The following BEND4 variants were observed in gnomAD, a reference collection of about 807,000 sequenced individuals.
BEND4 encodes the protein BEN domain-containing protein 4.
BEND4 carries 27 observed loss-of-function variants against 54.7 expected under a neutral mutation model. The ratio of observed to expected loss-of-function variants is 0.49; its 90% CI spans 0.36 to 0.68. BEND4 has a LOEUF of 0.68. BEND4 is among the 30% of genes least tolerant of loss of function. The pLI is 0.00. For synonymous variants in BEND4, 327 were observed against 299.5 expected, an observed-to-expected ratio of 1.09 and a Z score of -0.95; for missense variants, 702 against 697.2, an observed-to-expected ratio of 1.01 and a Z score of -0.08.
chr4:42,113,120 C>T lies in BEND4; in HGVS notation c.*4398G>A, dbSNP rs899979037. 6.6e-6 allele frequency: 1 copy of T among 152,202 alleles called. No homozygotes were observed. Among genetic ancestry groups the T allele is most frequent in the East Asian group, 1.9e-4 (1 of 5,198 alleles). The allele number at this position is 152,202 out of a possible 1,614,324, so 9.4% of individuals were successfully genotyped here. On this transcript the variant is annotated 3_prime_UTR_variant, in exon 6 of 6. Coordinates refer to ENST00000502486, the MANE Select transcript of BEND4 (RefSeq NM_207406.4). The stretch of plus-strand genomic sequence containing the variant: ...TGCCAAACAGTTCTGGCACGTGTTG[C>T]CACATTAAACATACACCAGCAAGAC...
At chr4:42,137,392 A>T (rs1720732315) in intron 3 of BEND4, among the ~76,000 whole-genome samples, 1 of 152,216 alleles carries the variant, frequency 6.6e-6, no homozygotes, top group African/African-American at 2.4e-5. Flanking sequence ...CCCAAATACA[A>T]GACCAGAAAC....
chr4:42,145,954 A>C (rs1249885029), intron 2 of BEND4, among the ~76,000 whole-genome samples: 1 of 152,194 alleles, frequency 6.6e-6, no homozygotes, highest in Admixed American at 6.5e-5. Context: ...TAGCATTTTC[A>C]GATTTACTTG....
Position 42,144,005 on chromosome 4 carries a change from T to C in BEND4, c.488-11A>G. 1 of 1,580,550 alleles carries C rather than the reference T, an allele frequency of 6.3e-7. No homozygotes were observed. The highest frequency in any genetic ancestry group is 1.8e-5 in the Admixed American group (1 of 55,156). On this transcript the variant is annotated splice_polypyrimidine_tract_variant and intron_variant, in intron 2 of 5. Coordinates refer to ENST00000502486, the MANE Select transcript of BEND4 (RefSeq NM_207406.4). ...AGATCATTCGACTCTCTGAAACAAATGAAAGGACACATCAGTGACCAACAG... is the reference window on the plus strand; with the variant it reads ...AGATCATTCGACTCTCTGAAACAAACGAAAGGACACATCAGTGACCAACAG...
Position 42,116,193 on chromosome 4 carries a change from T to TA in BEND4, c.*1324dup, listed in dbSNP as rs1047281818. ...CCTTGGTCATGTCTGTAGATGACAT[T>TA]AGTAGCCTTCAATAAACGCTGTCCA... On this transcript the variant is annotated 3_prime_UTR_variant, in exon 6 of 6. Transcript: ENST00000502486. 1.2e-4 allele frequency: 18 copies of TA among 152,340 alleles called. No homozygotes were observed. Among genetic ancestry groups the TA allele is most frequent in the African/African-American group, 4.1e-4 (17 of 41,580 alleles). 9.4% of individuals were successfully genotyped at this position (152,340 alleles called of 1,614,324 possible). A position where few individuals can be genotyped will look rare whatever the true frequency, so the allele number is the denominator to read the frequency against.
In BEND4 at chr4:42,115,783, T is replaced by C. The variant is rs1229149783; in HGVS notation, c.*1735A>G. On this transcript the variant is annotated 3_prime_UTR_variant, in exon 6 of 6. Transcript: ENST00000502486. ...AAGAACATGGCATTTGCCCATATCA[T>C]TTCTTTTACTTCCAAATTTTAGCTA... 6.6e-6 allele frequency: 1 copy of C among 152,230 alleles called. No individual in the cohort carries two copies. The highest frequency in any genetic ancestry group is 6.5e-5 in the Admixed American group (1 of 15,284). The allele number at this position is 152,230 out of a possible 1,614,324, so 9.4% of individuals were successfully genotyped here.
intron 3 of BEND4, among the ~76,000 whole-genome samples, chr4:42,139,087 T>C (rs1720796382): frequency 6.6e-6 from 1 of 152,230 alleles, no homozygotes; most frequent in African/African-American, 2.4e-5. Flanking sequence ...AGAAGTTCTA[T>C]GCACTATTTT....
intron 3 of BEND4, among the ~76,000 whole-genome samples, chr4:42,140,853 T>G (rs1373291082): frequency 1.3e-5 from 2 of 152,196 alleles, no homozygotes; most frequent in Non-Finnish European, 2.9e-5. Flanking sequence ...CTAGGAAGGC[T>G]CCTTTGGTTA....
In BEND4 at chr4:42,120,258, T is replaced by G; in HGVS notation, c.1183A>C (p.Ile395Leu). 2 of 1,613,064 alleles carry G rather than the reference T, an allele frequency of 1.2e-6. No individual in the cohort carries two copies. The highest frequency in any genetic ancestry group is 1.7e-6 in the Non-Finnish European group (2 of 1,179,150). The change falls in exon 5 of 6, where the codon ATA becomes CTA. Residue 395 changes from isoleucine (I) to leucine (L), a missense_variant. Transcript: ENST00000502486. ...GCCTCATCCCACTGTTTGCTCGTTATGTAGACAGGATAGTTGTTCAACAGC... is the reference window on the plus strand; with the variant it reads ...GCCTCATCCCACTGTTTGCTCGTTAGGTAGACAGGATAGTTGTTCAACAGC... ...KQLLNNYPVY[I>L]TSKQWDEAVN...
chr4:42,151,700 G>C lies in BEND4; in HGVS notation c.444C>G (p.Thr148=). 1 of 1,504,178 alleles carries C rather than the reference G, an allele frequency of 6.6e-7. No individual in the cohort carries two copies. Among genetic ancestry groups the C allele is most frequent in the South Asian group, 1.2e-5 (1 of 80,516 alleles). The allele number at this position is 1,504,178 out of a possible 1,614,324, so 93.2% of individuals were successfully genotyped here. A position where few individuals can be genotyped will look rare whatever the true frequency, so the allele number is the denominator to read the frequency against. The stretch of plus-strand genomic sequence containing the variant: ...TGGCGCTGTCGCTACCCGTGCCGCC[G>C]GTGCCGGCGGCCGCCGCCGCGCCTG... ...YGPGAAAAAG[T]GGTGSDSASL... Residue 148 remains threonine (T), a synonymous_variant, in exon 2 of 6, where the codon ACC becomes ACG. Transcript: ENST00000502486.
At chr4:42,123,700 A>AAAAAC (rs1398004787) in intron 4 of BEND4, among the ~76,000 whole-genome samples, 90 of 128,370 alleles carry the variant, frequency 7.0e-4, no homozygotes, top group African/African-American at 2.8e-3. Flanking sequence ...TTCAGAAAAA[A>AAAAAC]AAAAAAAAAA....
At chr4:42,139,228 G>GTATTT in intron 3 of BEND4, among the ~76,000 whole-genome samples, 2 of 152,256 alleles carry the variant, frequency 1.3e-5, no homozygotes, top group Admixed American at 1.3e-4. Context: ...ATTTTCTAGT[G>GTATTT]TGGTGATCTA....
chr4:42,132,018 GA>G (rs540335641), intron 3 of BEND4, among the ~76,000 whole-genome samples: 16 of 149,636 alleles, frequency 1.1e-4, no homozygotes, highest in South Asian at 4.2e-4. Context: ...TATTTTCTGT[GA>G]AAAAAAAAAG....
intron 4 of BEND4, among the ~76,000 whole-genome samples, chr4:42,123,702 A>AAACAAAAAAAAAAAAAC (rs1553921983): frequency 6.9e-6 from 1 of 144,478 alleles, no homozygotes; most frequent in African/African-American, 2.6e-5. Context: ...CAGAAAAAAA[A>AAACAAAAAAAAAAAAAC]AAAAAAAAAA....
intron 3 of BEND4, among the ~76,000 whole-genome samples, chr4:42,142,670 A>T (rs2153147135): frequency 6.7e-6 from 1 of 149,194 alleles, no homozygotes; most frequent in South Asian, 2.1e-4. Context: ...TCAGTACCTT[A>T]CCAGTTTAAA....
intron 5 of BEND4, among the ~76,000 whole-genome samples, chr4:42,118,320 C>T (rs1326682311): frequency 2.0e-5 from 3 of 152,174 alleles, no homozygotes; most frequent in South Asian, 2.1e-4. Flanking sequence ...ATATTTTTTA[C>T]GTGTTATCTC....
intron 2 of BEND4, among the ~76,000 whole-genome samples, chr4:42,146,099 C>G (rs890312162): frequency 6.6e-6 from 1 of 152,304 alleles, no homozygotes; most frequent in East Asian, 1.9e-4. Flanking sequence ...CCACCTGACC[C>G]TCCTTCTCCA....
chr4:42,121,306 G>A (rs1031828407), intron 4 of BEND4, among the ~76,000 whole-genome samples: 1 of 152,160 alleles, frequency 6.6e-6, no homozygotes, highest in African/African-American at 2.4e-5. Context: ...ACAAGAGGGA[G>A]GCAGCCCGAT....
chr4:42,130,210 G>C (rs1420021164), intron 3 of BEND4, among the ~76,000 whole-genome samples: 1 of 152,176 alleles, frequency 6.6e-6, no homozygotes, highest in Non-Finnish European at 1.5e-5. Flanking sequence ...GCTGGGCGCA[G>C]TGGTTCACGC....
intron 3 of BEND4, among the ~76,000 whole-genome samples, chr4:42,130,574 C>T (rs774185948): frequency 8.6e-5 from 13 of 151,470 alleles, no homozygotes; most frequent in Non-Finnish European, 1.9e-4. Context: ...CAGATGCTGG[C>T]GAGGCTGTGG....
Sources: gnomAD v4.1 joint callset for allele counts (sites outside exome capture counted in the v4.1 genomes callset) on GRCh38, gnomAD v4.1.1 for gene constraint, MANE v1.5 for transcripts, NCBI Gene and HGNC (gene_info 2026-07-23, HGNC 2026-07-21) for gene names.